The following CMIP variants were observed in gnomAD, a reference collection of about 807,000 sequenced individuals.
The protein encoded by CMIP is C-Maf-inducing protein.
CMIP carries 13 observed loss-of-function variants against 97.3 expected under a neutral mutation model. That is an observed-to-expected ratio of 0.13 (90% confidence interval 0.09 to 0.21). The LOEUF is 0.21. CMIP is among the 10% of genes least tolerant of loss of function. The probability of loss-of-function intolerance (pLI) is 1.00; values close to 1 mark genes in which losing one functional copy is unlikely to be tolerated. For synonymous variants in CMIP, 538 were observed against 436.3 expected, an observed-to-expected ratio of 1.23 and a Z score of -2.91; for missense variants, 847 against 1,024.9, an observed-to-expected ratio of 0.83 and a Z score of 2.37.
chr16:81,709,430 C>T (rs190155299), intron 20 of CMIP, among the ~76,000 whole-genome samples: 8 of 152,304 alleles, frequency 5.3e-5, no homozygotes, highest in South Asian at 4.1e-4. Context: ...TATCTGCCCA[C>T]GGTCACGCAG....
At chr16:81,676,397 T>A (rs1161687959) in intron 9 of CMIP, among the ~76,000 whole-genome samples, 1 of 147,052 alleles carries the variant, frequency 6.8e-6, no homozygotes, top group African/African-American at 2.5e-5. Context: ...GTACACAATG[T>A]ACTCACACTG....
At position 81,693,155 on chromosome 16, in the gene CMIP, C is replaced by T. The variant is rs1217114941; in HGVS notation, c.1455-3C>T. On this transcript the variant is annotated splice_polypyrimidine_tract_variant and splice_region_variant and intron_variant, in intron 11 of 20. Transcript: ENST00000537098. ...GCCGTGTTTTCCCCTGTTTTTGTTGCAGAGCTCTCGCACATGAGAAGTTCA... is the reference window on the plus strand; with the variant it reads ...GCCGTGTTTTCCCCTGTTTTTGTTGTAGAGCTCTCGCACATGAGAAGTTCA... 3.1e-6 allele frequency: 5 copies of T among 1,612,438 alleles called. No individual in the cohort carries two copies. In the Admixed American group the frequency reaches 6.7e-5, roughly 22 times the overall value.
chr16:81,542,865 T>G (rs1312216500), intron 1 of CMIP, among the ~76,000 whole-genome samples: 1 of 152,140 alleles, frequency 6.6e-6, no homozygotes, highest in Non-Finnish European at 1.5e-5. Flanking sequence ...ACAGAGGAAT[T>G]TCCGGGAGGC....
chr16:81,708,317 A>T (rs1205993617), intron 20 of CMIP, among the ~76,000 whole-genome samples: 6 of 152,216 alleles, frequency 3.9e-5, no homozygotes, highest in Admixed American at 2.6e-4. Context: ...CTCGGGGGCC[A>T]ACAGAAATGC....
intron 3 of CMIP, among the ~76,000 whole-genome samples, chr16:81,644,466 T>G (rs899656942): frequency 2.0e-5 from 3 of 152,166 alleles, no homozygotes; most frequent in African/African-American, 7.2e-5. Flanking sequence ...GTTGAAGACT[T>G]GGCGGCCAAA....
chr16:81,496,884 C>T (rs769196167), intron 1 of CMIP, among the ~76,000 whole-genome samples: 5 of 152,268 alleles, frequency 3.3e-5, no homozygotes, highest in Non-Finnish European at 5.9e-5. Flanking sequence ...AAGCCAGTGC[C>T]GCTTGGCGGG....
At chr16:81,575,649 C>T (rs1472725698) in intron 1 of CMIP, among the ~76,000 whole-genome samples, 1 of 152,188 alleles carries the variant, frequency 6.6e-6, no homozygotes, top group Non-Finnish European at 1.5e-5. Flanking sequence ...TGGGGATGCT[C>T]CAGTTACTGC....
intron 1 of CMIP, among the ~76,000 whole-genome samples, chr16:81,590,697 A>C (rs1238276349): frequency 6.6e-6 from 1 of 152,250 alleles, no homozygotes; most frequent in Non-Finnish European, 1.5e-5. Context: ...AGGATGTCTC[A>C]GTAGGACCCA....
At chr16:81,605,719 C>G (rs1016853254) in intron 1 of CMIP, among the ~76,000 whole-genome samples, 2 of 152,238 alleles carry the variant, frequency 1.3e-5, no homozygotes, top group African/African-American at 4.8e-5. Context: ...GGCCACCTGT[C>G]ATGACACCCC....
intron 1 of CMIP, among the ~76,000 whole-genome samples, chr16:81,505,745 C>G (rs1279714868): frequency 6.6e-6 from 1 of 152,142 alleles, no homozygotes; most frequent in Non-Finnish European, 1.5e-5. Context: ...AATCCCAGCA[C>G]TTTGGGAGGC....
intron 1 of CMIP, among the ~76,000 whole-genome samples, chr16:81,574,841 C>A (rs2091161380): frequency 1.3e-5 from 2 of 152,218 alleles, no homozygotes; most frequent in Non-Finnish European, 2.9e-5. Context: ...GCAGACCACA[C>A]TGCAAGATCA....
rs2091879580 is a variant in CMIP, at chr16:81,614,395, C to T, written c.427-6481C>T. Among the ~76,000 whole-genome samples, 1 of 152,124 alleles carries T rather than the reference C, an allele frequency of 6.6e-6. No homozygotes were observed. The highest frequency in any genetic ancestry group is 6.5e-5 in the Admixed American group (1 of 15,278). On this transcript the variant is annotated intron_variant, in intron 2 of 20. Transcript: ENST00000537098. The surrounding 1 kb of genome is among the most constrained non-coding windows in gnomAD (Gnocchi z 5.3). ...GCACGGGTTCTCAGGGGCTCCCACG[C>T]GCGGGCCACGGGTCACTTCAGCATG... is the stretch of plus-strand genomic sequence containing the variant.
chr16:81,704,202 C>G, intron 18 of CMIP, 117 bp downstream of exon 18: 3 of 721,402 alleles, frequency 4.2e-6, no homozygotes, highest in Non-Finnish European at 6.7e-6. Flanking sequence ...GCCCCCTCCC[C>G]CTCCTTCCTG....
chr16:81,500,479 TTTTC>T (rs1218221031), intron 1 of CMIP, among the ~76,000 whole-genome samples: 8 of 124,210 alleles, frequency 6.4e-5, no homozygotes, highest in East Asian at 2.7e-4. Flanking sequence ...TTCCTCCCCC[TTTTC>T]TTTCTTTCTT....
chr16:81,469,368 G>C (rs1425695547), intron 1 of CMIP, among the ~76,000 whole-genome samples: 1 of 152,186 alleles, frequency 6.6e-6, no homozygotes, highest in East Asian at 1.9e-4. Flanking sequence ...CTGAGCTTTT[G>C]TTTTTCATCA....
intron 1 of CMIP, among the ~76,000 whole-genome samples, chr16:81,523,726 C>G (rs1040927290): frequency 6.6e-6 from 1 of 152,224 alleles, no homozygotes; most frequent in Non-Finnish European, 1.5e-5. Context: ...TGCCTGTTCT[C>G]CAACCACCTC....
chr16:81,694,722 G>A (rs533711304), intron 13 of CMIP, among the ~76,000 whole-genome samples: 11 of 152,306 alleles, frequency 7.2e-5, no homozygotes, highest in South Asian at 4.1e-4. Flanking sequence ...GTTTTGATGC[G>A]TTTTGAACAA....
chr16:81,447,442 C>T (rs1320206888), intron 1 of CMIP, among the ~76,000 whole-genome samples: 4 of 152,052 alleles, frequency 2.6e-5, no homozygotes, highest in Non-Finnish European at 4.4e-5. Context: ...CCCCACTTAC[C>T]TCCGATTGCT....
chr16:81,685,728 T>A (rs992171477), intron 10 of CMIP, among the ~76,000 whole-genome samples: 7 of 149,258 alleles, frequency 4.7e-5, no homozygotes, highest in African/African-American at 1.5e-4. Flanking sequence ...TTTTTTTTTT[T>A]AACTTTTTTT....
Sources: allele counts gnomAD v4.1 joint callset (sites outside exome capture counted in the v4.1 genomes callset), GRCh38; gene constraint gnomAD v4.1.1; non-coding constraint Gnocchi (gnomAD v3.1); transcripts MANE v1.5; gene names NCBI Gene and HGNC (gene_info 2026-07-23, HGNC 2026-07-21).